SDF4: variants seen among roughly 807,000 people sequenced by gnomAD.
SDF4 encodes the protein stromal cell derived factor 4.
A neutral mutation model predicts 34.2 loss-of-function variants in SDF4; 22 were observed. The observed-to-expected ratio is 0.64, with a 90% CI of 0.46 to 0.92. SDF4 has a LOEUF of 0.92. Ranked by LOEUF, SDF4 falls within the 40% of genes least tolerant of loss-of-function variation. The pLI is 0.00. For missense variants in SDF4, 447 were observed against 499.9 expected (o/e 0.89, Z 1.01); for synonymous variants, 236 against 203.1 (o/e 1.16, Z -1.38).
chr1:1,224,829 C>T (rs1179725451), intron 2 of SDF4, among the ~76,000 whole-genome samples: 1 of 152,182 alleles, frequency 6.6e-6, no homozygotes, highest in Non-Finnish European at 1.5e-5. Flanking sequence ...TGGGAGGCCT[C>T]CCGAACCTGG....
In SDF4 at chr1:1,223,317, C is replaced by T. The variant is rs137905709; in HGVS notation, c.483G>A (p.Ala161=). 1.4e-5 allele frequency: 22 copies of T among 1,613,794 alleles called. No individual in the cohort carries two copies. The highest frequency in any genetic ancestry group is 1.0e-4 in the Admixed American group (6 of 59,982). Reference sequence around the variant, plus strand: ...CCTCCTTCTCGCTATGGCCTTTACTCGCCAAAAACTTCACCTTATACTCGT... The same window carrying T: ...CCTCCTTCTCGCTATGGCCTTTACTTGCCAAAAACTTCACCTTATACTCGT... The part of the protein sequence containing the change: ...SWDEYKVKFL[A]SKGHSEKEVA... The change falls in exon 4 of 7, where the codon GCG becomes GCA. Residue 161 remains alanine, a synonymous_variant. Coordinates refer to ENST00000360001, the MANE Select transcript of SDF4 (RefSeq NM_016176.6).
intron 4 of SDF4, 121 bp downstream of exon 4, chr1:1,223,123 T>C: frequency 1.4e-6 from 1 of 721,590 alleles, no homozygotes; most frequent in Non-Finnish European, 2.5e-6. Flanking sequence ...ACACACGTAC[T>C]CACGAGCACA....
At chr1:1,226,922 C>G (rs577647191) in intron 2 of SDF4, among the ~76,000 whole-genome samples, 1 of 152,334 alleles carries the variant, frequency 6.6e-6, no homozygotes, top group Admixed American at 6.5e-5. Context: ...GGTGGTGAAC[C>G]TGACAGGCCC....
At chr1:1,225,834 G>A (rs1234562084) in intron 2 of SDF4, among the ~76,000 whole-genome samples, 6 of 152,226 alleles carry the variant, frequency 3.9e-5, no homozygotes, top group Non-Finnish European at 8.8e-5. Context: ...AAGCAAAAAG[G>A]TGGAAAGAAA....
intron 3 of SDF4, 126 bp from the exon 4 acceptor site, chr1:1,223,483 G>A (rs1217229558): frequency 4.0e-6 from 3 of 751,768 alleles, no homozygotes; most frequent in Non-Finnish European, 6.5e-6. Context: ...GGAGCCCCAG[G>A]GCCCCGGCCA....
In SDF4 at chr1:1,228,507, G is replaced by C. The variant is rs756705556; in HGVS notation, c.266C>G (p.Pro89Arg). 6 of 1,610,040 alleles carry C rather than the reference G, an allele frequency of 3.7e-6. No individual in the cohort carries two copies. The South Asian group carries it at 6.6e-5, about 18-fold the overall frequency. The stretch of plus-strand genomic sequence containing the variant: ...CATCAGCTTCCTCCGGCTCCGCCGC[G>C]GCTCCGCGTCCTCATCAAAGCCACC... ...DLGGFDEDAE[P>R]RRSRRKLMVI... Residue 89 changes from proline (P) to arginine (R), a missense_variant, in exon 2 of 7, where the codon CCG (proline) becomes CGG (arginine). Transcript: ENST00000360001.
chr1:1,225,760 C>T lies in SDF4; in HGVS notation c.306-1792G>A, dbSNP rs540843710. On this transcript the variant is annotated intron_variant, in intron 2 of 6. Transcript: ENST00000360001. ...CCACACACTCCACATGCCACAGACA[C>T]GGGCCACACACTCCACACGCTCTAC... 6.0e-5 allele frequency among the ~76,000 whole-genome samples: 9 copies of T among 151,048 alleles called. No homozygotes were observed. The East Asian group carries it at 9.9e-4, about 17-fold the overall frequency.
intron 2 of SDF4, 60 bp downstream of exon 2, chr1:1,228,408 G>C: frequency 2.0e-6 from 3 of 1,505,856 alleles, no homozygotes; most frequent in Non-Finnish European, 2.7e-6. Context: ...AGCCAGGATA[G>C]GAACACACAG....
intron 4 of SDF4, among the ~76,000 whole-genome samples, chr1:1,222,818 A>G (rs1461364821): frequency 6.6e-6 from 1 of 152,178 alleles, no homozygotes. Flanking sequence ...GCCACCACCA[A>G]CCAGGTTGGG....
chr1:1,218,172 C>T lies in SDF4; in HGVS notation c.891+286G>A, dbSNP rs1163929753. On this transcript the variant is annotated intron_variant, in intron 6 of 6. Coordinates refer to ENST00000360001, the MANE Select transcript of SDF4 (RefSeq NM_016176.6). This position sits in a 1 kb window ranked among gnomAD's most constrained non-coding sequence, Gnocchi z 7.9. ...ATGCTGGGCCCAGCATGAGCTTCCC[C>T]TTGTGGTCCCGTTAAAAAGGGGCTG... Among the ~76,000 whole-genome samples the T allele has an allele frequency of 6.6e-6, 1 of 152,224 alleles. No homozygotes were observed. Among genetic ancestry groups the T allele is most frequent in the African/African-American group, 2.4e-5 (1 of 41,472 alleles).
rs752533494 is a variant in SDF4 at position 1,218,604 on chromosome 1, GCA to G, written c.743_744del (p.Val248AlafsTer20). On this transcript the variant is annotated frameshift_variant, in exon 6 of 7. Transcript: ENST00000360001. LOFTEE classifies it high-confidence loss of function. The surrounding 1 kb of genome is among the most constrained non-coding windows in gnomAD (Gnocchi z 7.9). ...CCCACGGGCAGGGAGATGAACTCGGGCACAGAGAGCTGCTTGTCACCGTCCTG... is the reference window on the plus strand; with the variant it reads ...CCCACGGGCAGGGAGATGAACTCGGGCAGAGAGCTGCTTGTCACCGTCCTG... The part of the protein sequence containing the change: ...LDQDGDKQLS[V>X]PEFISLPVGT... 2 of 1,613,904 alleles carry G rather than the reference GCA, an allele frequency of 1.2e-6. No homozygotes were observed. The highest frequency in any genetic ancestry group is 1.7e-6 in the Non-Finnish European group (2 of 1,179,952).
chr1:1,220,368 T>C, intron 4 of SDF4: 4 of 1,135,926 alleles, frequency 3.5e-6, no homozygotes, highest in Non-Finnish European at 3.3e-6. Context: ...CAGAATCAGG[T>C]CTGAGGCGCG....
At position 1,217,900 on chromosome 1, in the gene SDF4, C is replaced by T. The variant is rs1649625754; in HGVS notation, c.892-212G>A. 8.1e-6 allele frequency: 11 copies of T among 1,356,050 alleles called. No homozygotes were observed. The highest frequency in any genetic ancestry group is 4.5e-5 in the South Asian group (3 of 67,028). The allele number at this position is 1,356,050 out of a possible 1,614,324, so 84.0% of individuals were successfully genotyped here. ...GCCTGCCCGGGGCCAGCAGGGGTAA[C>T]GGGGCACAGGGGCTACACAGGCCTG... is the stretch of plus-strand genomic sequence containing the variant. On this transcript the variant is annotated intron_variant, in intron 6 of 6. Transcript: ENST00000360001. This position sits in a 1 kb window ranked among gnomAD's most constrained non-coding sequence, Gnocchi z 8.5.
intron 2 of SDF4, among the ~76,000 whole-genome samples, chr1:1,226,653 G>A (rs1457117175): frequency 3.3e-5 from 5 of 152,210 alleles, no homozygotes; most frequent in South Asian, 2.1e-4. Flanking sequence ...CACAGCGGCC[G>A]CTGTCGCCGC....
At chr1:1,229,157 C>T (rs768627612) in intron 1 of SDF4, among the ~76,000 whole-genome samples, 12 of 152,010 alleles carry the variant, frequency 7.9e-5, no homozygotes, top group Admixed American at 2.0e-4. Flanking sequence ...CTGGACCACA[C>T]GTGGCATTTG....
intron 4 of SDF4, chr1:1,220,917 T>C (rs373539213): frequency 2.4e-6 from 1 of 413,722 alleles, no homozygotes. Flanking sequence ...ACGAACCGTG[T>C]GTGGGGAGGA....
At chr1:1,219,300 C>G in intron 4 of SDF4, 2 of 1,171,346 alleles carry the variant, frequency 1.7e-6, no homozygotes, top group Non-Finnish European at 2.1e-6. Flanking sequence ...CCCACACAGC[C>G]CAGACCTCTC....
At position 1,228,047 on chromosome 1, in the gene SDF4, C is replaced by G. The variant is rs532458462; in HGVS notation, c.305+421G>C. 2.4e-3 allele frequency among the ~76,000 whole-genome samples: 366 copies of G among 152,364 alleles called. 1 individual carries two copies. The highest frequency in any genetic ancestry group is 8.2e-3 in the African/African-American group (343 of 41,588). Reference sequence around the variant, plus strand: ...CGTGTCAGGAGGAGCCCAGAGCACCCTGTACCAGCTCTCCAGCCACCTGTG... The same window carrying G: ...CGTGTCAGGAGGAGCCCAGAGCACCGTGTACCAGCTCTCCAGCCACCTGTG... On this transcript the variant is annotated intron_variant, in intron 2 of 6. Transcript: ENST00000360001.
Position 1,218,706 on chromosome 1 carries a change from T to C in SDF4, c.715+63A>G. ...AGGACCTGCCCCGACCTCCCGACGA[T>C]GCCCGGCCCCTGCCAGTCGGTCCTG... On this transcript the variant is annotated intron_variant, in intron 5 of 6. Transcript: ENST00000360001. This position sits in a 1 kb window ranked among gnomAD's most constrained non-coding sequence, Gnocchi z 7.9. 1.2e-6 allele frequency: 2 copies of C among 1,611,466 alleles called. No homozygotes were observed. Among genetic ancestry groups the C allele is most frequent in the African/African-American group, 1.3e-5 (1 of 74,990 alleles).
Sources: gnomAD v4.1 joint callset for allele counts (sites outside exome capture counted in the v4.1 genomes callset) on GRCh38, gnomAD v4.1.1 for gene constraint, Gnocchi (gnomAD v3.1) non-coding constraint, MANE v1.5 for transcripts, NCBI Gene and HGNC (gene_info 2026-07-23, HGNC 2026-07-21) for gene names.